The following GLYR1 variants were observed in gnomAD, a reference collection of about 807,000 sequenced individuals.
GLYR1 encodes cytokine-like nuclear factor N-PAC.
In GLYR1, 21 loss-of-function variants were observed where a neutral mutation model predicts 72.7. The ratio of observed to expected loss-of-function variants is 0.29; its 90% CI spans 0.20 to 0.42. The LOEUF is 0.42. Ranked by LOEUF, GLYR1 falls within the 10% of genes least tolerant of loss-of-function variation. The probability of loss-of-function intolerance (pLI) is 1.00; values close to 1 mark genes in which losing one functional copy is unlikely to be tolerated. For synonymous variants in GLYR1, 392 were observed against 270.2 expected (o/e 1.45, Z -4.42); for missense variants, 594 against 712.1 (o/e 0.83, Z 1.89).
At chr16:4,825,940 C>A (rs8053380) in intron 5 of GLYR1, among the ~76,000 whole-genome samples, 2,993 of 152,364 alleles carry the variant, frequency 0.02, 93 homozygotes, top group African/African-American at 0.068. Flanking sequence ...GCGTGAGCCA[C>A]TGCACCCAGC....
At chr16:4,844,999 T>C in intron 3 of GLYR1, 75 bp downstream of exon 3, 1 of 953,180 alleles carries the variant, frequency 1.0e-6, no homozygotes, top group South Asian at 1.4e-5. Flanking sequence ...ATCCTTAGAA[T>C]ATTTTCAAAG....
chr16:4,835,228 G>A (rs9925944), intron 3 of GLYR1, among the ~76,000 whole-genome samples: 79,226 of 151,874 alleles, frequency 0.52, 21,288 homozygotes, highest in African/African-American at 0.64. Context: ...CAGCCTCACA[G>A]GAACCCGATT....
Position 4,804,054 on chromosome 16 carries a change from A to C in GLYR1, c.*1182T>G, listed in dbSNP as rs1293827260. The C allele has an allele frequency of 2.0e-5, 3 of 152,184 alleles. No individual in the cohort carries two copies. Among genetic ancestry groups the C allele is most frequent in the Non-Finnish European group, 4.4e-5 (3 of 68,112 alleles). The allele number at this position is 152,184 out of a possible 1,614,324, so 9.4% of individuals were successfully genotyped here. On this transcript the variant is annotated 3_prime_UTR_variant, in exon 16 of 16. Coordinates refer to ENST00000321919, the MANE Select transcript of GLYR1 (RefSeq NM_032569.4). ...CCTCCCGACAGACCCCGGGCCCGGGAAGCACCGAAGACCATGATGCTGGCT... is the reference window on the plus strand; with the variant it reads ...CCTCCCGACAGACCCCGGGCCCGGGCAGCACCGAAGACCATGATGCTGGCT...
chr16:4,826,170 C>G (rs1035098301), intron 5 of GLYR1, among the ~76,000 whole-genome samples: 1 of 152,120 alleles, frequency 6.6e-6, no homozygotes, highest in Non-Finnish European at 1.5e-5. Context: ...ACCTCAGCCT[C>G]CTGGGTAGCT....
intron 9 of GLYR1, among the ~76,000 whole-genome samples, chr16:4,819,164 A>G (rs1295813425): frequency 6.6e-6 from 1 of 151,890 alleles, no homozygotes; most frequent in African/African-American, 2.4e-5. Context: ...TATAGTTTTT[A>G]ATTTTTATTT....
intron 5 of GLYR1, among the ~76,000 whole-genome samples, chr16:4,826,822 C>T (rs1040737562): frequency 6.6e-6 from 1 of 152,166 alleles, no homozygotes; most frequent in East Asian, 1.9e-4. Flanking sequence ...GTGGCTGGGG[C>T]AGCACAGCTG....
At chr16:4,812,328 T>A in intron 12 of GLYR1, 80 bp from the exon 13 acceptor site, 2 of 1,443,128 alleles carry the variant, frequency 1.4e-6, no homozygotes, top group South Asian at 2.7e-5. Flanking sequence ...TGTTGCTGAG[T>A]GGCCACGGCT....
chr16:4,821,304 A>T, intron 9 of GLYR1, 76 bp downstream of exon 9: 1 of 1,466,058 alleles, frequency 6.8e-7, no homozygotes, highest in Middle Eastern at 2.4e-4. Flanking sequence ...ACCCTTAAAG[A>T]ACCCCCCTGG....
At chr16:4,816,382 A>T (rs2083644759) in intron 10 of GLYR1, among the ~76,000 whole-genome samples, 1 of 152,072 alleles carries the variant, frequency 6.6e-6, no homozygotes, top group Non-Finnish European at 1.5e-5. Context: ...GACTCAAGCA[A>T]TCCTCTTCCC....
chr16:4,814,503 C>A (rs780067291), intron 11 of GLYR1, 34 bp downstream of exon 11: 29 of 1,526,638 alleles, frequency 1.9e-5, no homozygotes. Context: ...TGGCTGTGAC[C>A]CGGAGTTGCT....
chr16:4,832,043 G>C lies in GLYR1; in HGVS notation c.473C>G (p.Ser158Cys), dbSNP rs1156637655. Residue 158 changes from serine to cysteine, a missense_variant, in exon 5 of 16, where the codon TCC (serine) becomes TGC (cysteine). Physicochemically the swap from Ser to Cys is moderately radical, Grantham distance 112 (BLOSUM62 -1). Transcript: ENST00000321919. ...TTGCTCTTGGGCTCTTTTCAGAGGG[G>C]ATTTGGAGCCTCTCTCTGAAGAGCC... ...SSGSSERGSK[S>C]PLKRAQEQSP... 1 of 1,614,204 alleles carries C rather than the reference G, an allele frequency of 6.2e-7. No homozygotes were observed. Among genetic ancestry groups the C allele is most frequent in the Non-Finnish European group, 8.5e-7 (1 of 1,180,034 alleles).
At chr16:4,846,678 G>A in intron 1 of GLYR1, 1 of 243,410 alleles carries the variant, frequency 4.1e-6, no homozygotes, top group South Asian at 5.0e-5. Flanking sequence ...GACCGCGGGA[G>A]GCACCCAAGC....
intron 3 of GLYR1, among the ~76,000 whole-genome samples, chr16:4,842,111 G>T (rs2085599595): frequency 6.6e-6 from 1 of 152,102 alleles, no homozygotes; most frequent in African/African-American, 2.4e-5. Context: ...GGGCATGGTG[G>T]TGTGCGCCTG....
Position 4,812,204 on chromosome 16 carries a change from T to C in GLYR1, c.1164A>G (p.Ser388=). The change falls in exon 13 of 16, where the codon TCA becomes TCG. Residue 388 remains serine (S), a synonymous_variant. Transcript: ENST00000321919. ...CGTCATTAGACAGCTGCTGATTCCCTGAGACGGGGGCTTCCAGAAAGCGCC... is the reference window on the plus strand; with the variant it reads ...CGTCATTAGACAGCTGCTGATTCCCCGAGACGGGGGCTTCCAGAAAGCGCC... The part of the protein sequence containing the change: ...RGGRFLEAPV[S]GNQQLSNDGM... The C allele has an allele frequency of 1.2e-6, 2 of 1,614,098 alleles. No homozygotes were observed. The highest frequency in any genetic ancestry group is 1.7e-6 in the Non-Finnish European group (2 of 1,180,014).
intron 5 of GLYR1, among the ~76,000 whole-genome samples, chr16:4,827,822 C>A (rs1040405835): frequency 6.6e-6 from 1 of 151,902 alleles, no homozygotes; most frequent in Non-Finnish European, 1.5e-5. Context: ...ATGGCATTAA[C>A]CCAGGAGGCG....
chr16:4,832,054 T>C lies in GLYR1; in HGVS notation c.462A>G (p.Arg154=). 6.2e-7 allele frequency: 1 copy of C among 1,614,188 alleles called. No homozygotes were observed. The highest frequency in any genetic ancestry group is 1.1e-5 in the South Asian group (1 of 91,078). ...CTCTTTTCAGAGGGGATTTGGAGCC[T>C]CTCTCTGAAGAGCCTGAAGACACCC... The part of the protein sequence containing the change: ...KKRVSSGSSE[R]GSKSPLKRAQ... Residue 154 remains arginine, a synonymous_variant, in exon 5 of 16, where the codon AGA becomes AGG. Coordinates refer to ENST00000321919, the MANE Select transcript of GLYR1 (RefSeq NM_032569.4).
chr16:4,809,233 A>C (rs1157192930), intron 15 of GLYR1, among the ~76,000 whole-genome samples: 1 of 122,658 alleles, frequency 8.2e-6, no homozygotes, highest in African/African-American at 3.2e-5. Context: ...TCTGTTGCCC[A>C]GGCTGGAGTG....
At position 4,817,695 on chromosome 16, in the gene GLYR1, A is replaced by G. The variant is rs2083736898; in HGVS notation, c.809T>C (p.Ile270Thr). The G allele has an allele frequency of 6.3e-7, 1 of 1,597,868 alleles. No individual in the cohort carries two copies. The highest frequency in any genetic ancestry group is 1.3e-5 in the African/African-American group (1 of 74,532). ...NGSITPTDKK[I>T]GFLGLGLMGS... is the part of the protein sequence containing the mutation. ...CATGAGACCAAGGCCCAAAAATCCT[A>G]TCCTGAAACAGAGAGAGACTGATGA... The change falls in exon 10 of 16, where the codon ATA becomes ACA. Residue 270 changes from isoleucine to threonine, a missense_variant and splice_region_variant. Ile to Thr is a moderately conservative substitution (Grantham distance 89). Around this residue, in one of 5 missense-constraint regions of GLYR1, gnomAD observed 266 missense variants for 358.4 expected, o/e 0.74. Coordinates refer to ENST00000321919, the MANE Select transcript of GLYR1 (RefSeq NM_032569.4).
chr16:4,834,618 A>C (rs1216468430), intron 3 of GLYR1, among the ~76,000 whole-genome samples: 4 of 151,970 alleles, frequency 2.6e-5, no homozygotes, highest in Non-Finnish European at 5.9e-5. Context: ...GGTATGCACC[A>C]CCACACCCAG....
Sources: allele counts gnomAD v4.1 joint callset (sites outside exome capture counted in the v4.1 genomes callset), GRCh38; gene constraint gnomAD v4.1.1; regional missense constraint gnomAD v4.1.1; transcripts MANE v1.5; gene names NCBI Gene and HGNC (gene_info 2026-07-23, HGNC 2026-07-21).